The following CAMKMT variants were observed in gnomAD, a reference collection of about 807,000 sequenced individuals.
CAMKMT encodes calmodulin-lysine N-methyltransferase.
CAMKMT carries 53 observed loss-of-function variants against 48.0 expected under a neutral mutation model. The observed-to-expected ratio is 1.10, with a 90% CI of 0.89 to 1.39. The LOEUF is 1.39. CAMKMT is among the 40% of genes most tolerant of loss of function. CAMKMT has a pLI of 0.00. For synonymous variants in CAMKMT, 165 were observed against 152.3 expected (o/e 1.08, Z -0.61); for missense variants, 428 against 402.7 (o/e 1.06, Z -0.54).
intron 3 of CAMKMT, among the ~76,000 whole-genome samples, chr2:44,602,351 A>G (rs972100528): frequency 6.6e-6 from 1 of 152,002 alleles, no homozygotes; most frequent in African/African-American, 2.4e-5. Flanking sequence ...TTTAATGACT[A>G]CCTAGTATTC....
intron 3 of CAMKMT, among the ~76,000 whole-genome samples, chr2:44,565,953 T>C (rs1055103643): frequency 1.3e-5 from 2 of 152,250 alleles, no homozygotes; most frequent in African/African-American, 4.8e-5. Context: ...TGTGTTTGTG[T>C]AACCGCACAT....
chr2:44,764,159 G>C (rs189081268), intron 9 of CAMKMT, among the ~76,000 whole-genome samples: 7 of 152,106 alleles, frequency 4.6e-5, no homozygotes, highest in Admixed American at 4.6e-4. Flanking sequence ...TATTGAAAAA[G>C]CTGACAGAAC....
At chr2:44,412,251 G>C (rs1683258105) in intron 3 of CAMKMT, among the ~76,000 whole-genome samples, 1 of 152,050 alleles carries the variant, frequency 6.6e-6, no homozygotes, top group Non-Finnish European at 1.5e-5. Context: ...ACATACAATG[G>C]GGGTTCAAAC....
At chr2:44,380,414 A>G (rs1289482882) in intron 2 of CAMKMT, among the ~76,000 whole-genome samples, 1 of 152,220 alleles carries the variant, frequency 6.6e-6, no homozygotes, top group Admixed American at 6.5e-5. Context: ...GAAGTTTTTA[A>G]GAATTTAAGT....
At chr2:44,641,390 G>C (rs1369793166) in intron 3 of CAMKMT, among the ~76,000 whole-genome samples, 1 of 152,046 alleles carries the variant, frequency 6.6e-6, no homozygotes, top group Non-Finnish European at 1.5e-5. Flanking sequence ...TCCCTTCTAT[G>C]TATTAGGAAC....
chr2:44,683,342 T>A (rs1340177083), intron 3 of CAMKMT, among the ~76,000 whole-genome samples: 1 of 152,144 alleles, frequency 6.6e-6, no homozygotes, highest in Non-Finnish European at 1.5e-5. Flanking sequence ...CAAACTCAAA[T>A]CATGTCTTTC....
chr2:44,413,747 C>G (rs903689444), intron 3 of CAMKMT, among the ~76,000 whole-genome samples: 3 of 151,944 alleles, frequency 2.0e-5, no homozygotes, highest in Non-Finnish European at 4.4e-5. Flanking sequence ...CAACACTTGG[C>G]TTATATCTAC....
At chr2:44,599,382 A>T (rs1670852501) in intron 3 of CAMKMT, among the ~76,000 whole-genome samples, 1 of 152,144 alleles carries the variant, frequency 6.6e-6, no homozygotes, top group African/African-American at 2.4e-5. Flanking sequence ...AGTTCTTAGG[A>T]ACCAACCTCT....
chr2:44,386,634 T>A (rs1451463581), intron 2 of CAMKMT, among the ~76,000 whole-genome samples: 1 of 152,152 alleles, frequency 6.6e-6, no homozygotes, highest in Non-Finnish European at 1.5e-5. Context: ...CTTTCAGTCA[T>A]TTTGATGTAG....
At chr2:44,593,761 T>C in intron 3 of CAMKMT, among the ~76,000 whole-genome samples, 1 of 117,580 alleles carries the variant, frequency 8.5e-6, no homozygotes, top group Admixed American at 1.0e-4. Context: ...AAAGACAACT[T>C]CCTTTTTTTT....
At chr2:44,694,968 A>G (rs1676857927) in intron 3 of CAMKMT, among the ~76,000 whole-genome samples, 2 of 152,222 alleles carry the variant, frequency 1.3e-5, no homozygotes, top group African/African-American at 4.8e-5. Context: ...AGGAAATGAT[A>G]TGCTTCTTAA....
At chr2:44,506,390 C>T (rs1483235142) in intron 3 of CAMKMT, among the ~76,000 whole-genome samples, 1 of 152,144 alleles carries the variant, frequency 6.6e-6, no homozygotes, top group Non-Finnish European at 1.5e-5. Context: ...GGATGATTCT[C>T]TTCCTTGCAT....
chr2:44,449,823 G>T (rs1667197518), intron 3 of CAMKMT, among the ~76,000 whole-genome samples: 1 of 152,132 alleles, frequency 6.6e-6, no homozygotes, highest in Non-Finnish European at 1.5e-5. Context: ...TCTTTGGGGA[G>T]GGGGTTAGTA....
rs919769675 is a variant in CAMKMT, at chr2:44,472,784, A to C, written c.376+82479A>C. On this transcript the variant is annotated intron_variant, in intron 3 of 10. Coordinates refer to ENST00000378494, the MANE Select transcript of CAMKMT (RefSeq NM_024766.5). ...AATTCTATTCTGCAGATAGCAAAAC[A>C]TAAGTTACATGTTGATGAGATTAAA... 4.6e-5 allele frequency among the ~76,000 whole-genome samples: 7 copies of C among 152,144 alleles called. No individual in the cohort carries two copies. The South Asian group carries it at 1.4e-3, about 31-fold the overall frequency.
intron 3 of CAMKMT, among the ~76,000 whole-genome samples, chr2:44,548,217 C>G (rs193192311): frequency 1.3e-5 from 2 of 152,240 alleles, no homozygotes. Flanking sequence ...GCTCGAAGTC[C>G]CCTCCTGCCT....
At chr2:44,449,632 G>A (rs922575925) in intron 3 of CAMKMT, among the ~76,000 whole-genome samples, 1 of 151,972 alleles carries the variant, frequency 6.6e-6, no homozygotes, top group Non-Finnish European at 1.5e-5. Flanking sequence ...CTGCCCAAAA[G>A]GAGAAAATAA....
intron 3 of CAMKMT, among the ~76,000 whole-genome samples, chr2:44,417,002 T>C (rs1683603593): frequency 6.6e-6 from 1 of 152,072 alleles, no homozygotes. Flanking sequence ...GGCCTGATCA[T>C]GGCTCACTGA....
chr2:44,410,247 A>ATTTTTTT lies in CAMKMT; in HGVS notation c.376+19963_376+19969dup, dbSNP rs1164693728. Among the ~76,000 whole-genome samples, 7 of 19,486 alleles carry ATTTTTTT rather than the reference A, an allele frequency of 3.6e-4. 1 individual carries two copies. The highest frequency in any genetic ancestry group is 1.0e-3 in the African/African-American group (6 of 5,838). 12.8% of individuals were successfully genotyped at this position (19,486 alleles called of 152,430 possible). On this transcript the variant is annotated intron_variant, in intron 3 of 10. Coordinates refer to ENST00000378494, the MANE Select transcript of CAMKMT (RefSeq NM_024766.5). ...CAGGTATCAGTATATATATATATAT[A>ATTTTTTT]TTTTTTTTTTTTTTTTTTTTTTTTT...
chr2:44,377,680 A>G (rs1161742741), intron 2 of CAMKMT, among the ~76,000 whole-genome samples: 2 of 152,186 alleles, frequency 1.3e-5, no homozygotes. Flanking sequence ...GAAGAAGACT[A>G]CTGTTACTAT....
Sources: allele counts gnomAD v4.1 joint callset (sites outside exome capture counted in the v4.1 genomes callset), GRCh38; gene constraint gnomAD v4.1.1; transcripts MANE v1.5; gene names NCBI Gene and HGNC (gene_info 2026-07-23, HGNC 2026-07-21).